C8orf89: variants seen among roughly 807,000 people sequenced by gnomAD.
C8orf89 encodes chromosome 8 open reading frame 89, also known as putative uncharacterized protein C8orf89.
C8orf89 carries 14 observed loss-of-function variants against 15.8 expected under a neutral mutation model. That is an observed-to-expected ratio of 0.89 (90% CI 0.59 to 1.39). The LOEUF (loss-of-function observed/expected upper bound fraction) is 1.39. Among genes scored for constraint, C8orf89 ranks in the 40% most tolerant of loss-of-function variants. C8orf89 has a pLI of 0.00. For missense variants in C8orf89, 181 were observed against 184.5 expected, an observed-to-expected ratio of 0.98 and a Z score of 0.11; for synonymous variants, 55 against 62.2, an observed-to-expected ratio of 0.88 and a Z score of 0.54.
At chr8:73,248,233 GA>G (rs199879446) in intron 3 of C8orf89, among the ~76,000 whole-genome samples, 1,859 of 152,154 alleles carry the variant, frequency 0.012, 17 homozygotes, top group Non-Finnish European at 0.019. Flanking sequence ...CAGCTTTGTT[GA>G]AAATCAGATA....
the C8orf89 span, among the ~76,000 whole-genome samples, chr8:73,270,520 TATTACTTTTATCAA>T: frequency 6.6e-6 from 1 of 152,280 alleles, no homozygotes; most frequent in South Asian, 2.1e-4. Flanking sequence ...AAACAAAAAC[TATTACTTTTATCAA>T]ATTATCTTTC....
At chr8:73,252,855 C>T (rs1813277452) in intron 2 of C8orf89, among the ~76,000 whole-genome samples, 1 of 152,148 alleles carries the variant, frequency 6.6e-6, no homozygotes, top group African/African-American at 2.4e-5. Flanking sequence ...AAGAACTAGA[C>T]ATTCGGCCGG....
the C8orf89 span, among the ~76,000 whole-genome samples, chr8:73,266,858 G>C: frequency 1.1e-4 from 17 of 151,758 alleles, no homozygotes; most frequent in Non-Finnish European, 1.5e-4. Flanking sequence ...AAAAAAACTA[G>C]GGCCCCTGGA....
At chr8:73,281,786 G>A in the C8orf89 span, among the ~76,000 whole-genome samples, 4 of 152,210 alleles carry the variant, frequency 2.6e-5, no homozygotes, top group Non-Finnish European at 5.9e-5. Flanking sequence ...AGAGAATAGC[G>A]TTTGTTCTAG....
rs1487924503 is a variant in C8orf89, at chr8:73,250,283, A to AT, written c.321_322insA (p.Trp108MetfsTer11). ...GTCAGCTTACCTTTTGATTTCTCCC[A>AT]AAGTGGTGCCACACTGCATGTCTCC... On this transcript the variant is annotated frameshift_variant, in exon 3 of 4. Transcript: ENST00000624510. LOFTEE classifies it high-confidence loss of function. The AT allele has an allele frequency of 1.3e-6, 2 of 1,533,806 alleles. No individual in the cohort carries two copies. The highest frequency in any genetic ancestry group is 1.7e-6 in the Non-Finnish European group (2 of 1,145,208).
chr8:73,246,139 G>A (rs1185890267), intron 3 of C8orf89, among the ~76,000 whole-genome samples: 3 of 152,174 alleles, frequency 2.0e-5, no homozygotes, highest in Non-Finnish European at 2.9e-5. Flanking sequence ...TAAATTGGGT[G>A]TATTTCAGGA....
chr8:73,276,178 C>CTTTTTT, the C8orf89 span, among the ~76,000 whole-genome samples: 2 of 131,660 alleles, frequency 1.5e-5, no homozygotes, highest in African/African-American at 2.8e-5. Flanking sequence ...ATTTCTGATG[C>CTTTTTT]TTTTTTTTTT....
At chr8:73,256,109 TAATAATAAAA>T in intron 2 of C8orf89, among the ~76,000 whole-genome samples, 1 of 148,966 alleles carries the variant, frequency 6.7e-6, no homozygotes, top group African/African-American at 2.5e-5. Flanking sequence ...TAAAGTATAA[TAATAATAAAA>T]AATAAATAAC....
chr8:73,256,422 T>C (rs1053848406), intron 2 of C8orf89, among the ~76,000 whole-genome samples: 3 of 151,448 alleles, frequency 2.0e-5, no homozygotes, highest in Non-Finnish European at 4.4e-5. Flanking sequence ...ACAATCAAGG[T>C]TTTTTTTAAA....
Position 73,244,591 on chromosome 8 carries a change from CA to C in C8orf89, c.338-2987del, listed in dbSNP as rs199960240. ...ATTATTTAACTTCAGTTTCAAGTGT[CA>C]AAAAAAAGCACTATCTTCAATTCTC... On this transcript the variant is annotated intron_variant, in intron 3 of 3. Coordinates refer to ENST00000624510, the MANE Select transcript of C8orf89 (RefSeq NM_001243237.3). Among the ~76,000 whole-genome samples, 1,027 of 151,710 alleles carry C rather than the reference CA, an allele frequency of 6.8e-3. 13 individuals carry two copies. The highest frequency in any genetic ancestry group is 0.024 in the African/African-American group (993 of 41,388).
chr8:73,264,169 A>C (rs1195193046), upstream of C8orf89, among the ~76,000 whole-genome samples: 1 of 152,204 alleles, frequency 6.6e-6, no homozygotes, highest in Non-Finnish European at 1.5e-5. Flanking sequence ...CACCAAAAAA[A>C]GGACAGAAAT....
intron 1 of C8orf89, 82 bp downstream of exon 1, chr8:73,259,250 C>T: frequency 2.3e-6 from 2 of 882,088 alleles, no homozygotes; most frequent in Non-Finnish European, 3.2e-6. Flanking sequence ...AGAAAATGTC[C>T]CTTGCCTGAT....
At chr8:73,285,478 C>G in the C8orf89 span, among the ~76,000 whole-genome samples, 1 of 152,196 alleles carries the variant, frequency 6.6e-6, no homozygotes, top group Non-Finnish European at 1.5e-5. Context: ...GCCTTAGTGT[C>G]CCCTTCGTGG....
At chr8:73,263,607 C>A (rs1224207875), upstream of C8orf89, among the ~76,000 whole-genome samples, 1 of 152,180 alleles carries the variant, frequency 6.6e-6, no homozygotes, top group African/African-American at 2.4e-5. Context: ...AATATTGGCT[C>A]ACATATTTAT....
the C8orf89 span, among the ~76,000 whole-genome samples, chr8:73,278,965 AC>A: frequency 1.0e-3 from 157 of 152,064 alleles, no homozygotes; most frequent in Middle Eastern, 6.8e-3. Flanking sequence ...CATTTTAGCT[AC>A]CCTGTTAATT....
At chr8:73,253,067 C>G (rs1002658012) in intron 2 of C8orf89, among the ~76,000 whole-genome samples, 3 of 152,156 alleles carry the variant, frequency 2.0e-5, no homozygotes, top group Admixed American at 2.0e-4. Context: ...TGCTTGAACC[C>G]GGGAGGCGGA....
chr8:73,283,450 G>C, the C8orf89 span, among the ~76,000 whole-genome samples: 1 of 152,160 alleles, frequency 6.6e-6, no homozygotes, highest in Non-Finnish European at 1.5e-5. Context: ...CAGAACCACA[G>C]GGTCATGAAG....
At chr8:73,248,644 G>A (rs1206787766) in intron 3 of C8orf89, among the ~76,000 whole-genome samples, 1 of 152,148 alleles carries the variant, frequency 6.6e-6, no homozygotes, top group East Asian at 1.9e-4. Flanking sequence ...TCTCCTTGCA[G>A]AGATCTTTCA....
intron 3 of C8orf89, among the ~76,000 whole-genome samples, chr8:73,242,295 A>G (rs1813024336): frequency 6.6e-6 from 1 of 152,190 alleles, no homozygotes; most frequent in African/African-American, 2.4e-5. Flanking sequence ...AAACAACTCT[A>G]TGGGAAAAGT....
Sources: allele counts gnomAD v4.1 joint callset (sites outside exome capture counted in the v4.1 genomes callset), GRCh38; gene constraint gnomAD v4.1.1; transcripts MANE v1.5; gene names NCBI Gene and HGNC (gene_info 2026-07-23, HGNC 2026-07-21).